RINT1: variants seen among roughly 807,000 people sequenced by gnomAD.
The protein encoded by RINT1 is RAD50-interacting protein 1.
In RINT1, 75 loss-of-function variants were observed where a neutral mutation model predicts 97.7. That is an observed-to-expected ratio of 0.77 (90% CI 0.64 to 0.93). The LOEUF is 0.93. RINT1 is among the 40% of genes least tolerant of loss of function. The pLI is 0.00. For missense variants in RINT1, 892 were observed against 925.2 expected, an observed-to-expected ratio of 0.96 and a Z score of 0.47; for synonymous variants, 303 against 326.3, an observed-to-expected ratio of 0.93 and a Z score of 0.77.
intron 3 of RINT1, among the ~76,000 whole-genome samples, chr7:105,539,561 T>C (rs1223169065): frequency 6.6e-6 from 1 of 152,034 alleles, no homozygotes; most frequent in Non-Finnish European, 1.5e-5. Flanking sequence ...GGTTTCTCCA[T>C]GTTGGTCAGG....
chr7:105,558,305 A>AT (rs1264623025), intron 11 of RINT1, among the ~76,000 whole-genome samples: 9 of 151,796 alleles, frequency 5.9e-5, no homozygotes, highest in South Asian at 2.1e-4. Context: ...AAAAAAAAAA[A>AT]AAAATAAAGT....
At position 105,536,707 on chromosome 7, in the gene RINT1, C is replaced by A. The variant is rs1371213834; in HGVS notation, c.231C>A (p.Leu77=). ...AATCTTTAAAGAAACTTGATAAACT[C>A]ATAGAACAGAGGACAGTAAGTAAAA... ...DLKSLKKLDK[L]IEQRTVSKMQ... Residue 77 remains leucine (L), a synonymous_variant, in exon 3 of 15, where the codon CTC becomes CTA. Coordinates refer to ENST00000257700, the MANE Select transcript of RINT1 (RefSeq NM_021930.6). The A allele has an allele frequency of 5.6e-6, 9 of 1,610,580 alleles. No homozygotes were observed. Among genetic ancestry groups the A allele is most frequent in the Non-Finnish European group, 7.6e-6 (9 of 1,178,668 alleles).
At chr7:105,539,612 T>G (rs961205741) in intron 3 of RINT1, among the ~76,000 whole-genome samples, 3 of 152,032 alleles carry the variant, frequency 2.0e-5, no homozygotes, top group Admixed American at 6.6e-5. Context: ...TGCCCGAAAG[T>G]GGATCTTGGC....
rs770101080 is a variant in RINT1, at chr7:105,563,887, G to A, written c.1826G>A (p.Arg609His). ...LERLKHDMLT[R>H]QVDHVFREVK... ...CGTTTAAAGCATGATATGTTGACCC[G>A]TCAAGTAGACCACGTTTTTAGAGAA... Residue 609 changes from arginine to histidine, a missense_variant, in exon 12 of 15, where the codon CGT (arginine) becomes CAT (histidine). Physicochemically the swap from Arg to His is conservative, Grantham distance 29 (BLOSUM62 0). Coordinates refer to ENST00000257700, the MANE Select transcript of RINT1 (RefSeq NM_021930.6). 11 of 1,614,062 alleles carry A rather than the reference G, an allele frequency of 6.8e-6. No individual in the cohort carries two copies. The highest frequency in any genetic ancestry group is 1.3e-5 in the African/African-American group (1 of 75,020).
Position 105,563,964 on chromosome 7 carries a change from A to C in RINT1, c.1886+17A>C. ...AAAAGAAAGGTATGTCCTCTATGTA[A>C]GTCAGCTCTTAACACCAGTTTGGTA... On this transcript the variant is annotated intron_variant, in intron 12 of 14. Coordinates refer to ENST00000257700, the MANE Select transcript of RINT1 (RefSeq NM_021930.6). 1 of 1,574,186 alleles carries C rather than the reference A, an allele frequency of 6.4e-7. No homozygotes were observed. Among genetic ancestry groups the C allele is most frequent in the Admixed American group, 1.7e-5 (1 of 59,372 alleles).
intron 12 of RINT1, among the ~76,000 whole-genome samples, chr7:105,564,614 A>G (rs1267063986): frequency 3.3e-5 from 5 of 152,194 alleles, no homozygotes; most frequent in African/African-American, 7.2e-5. Context: ...TTGTCCTAGC[A>G]TAGTCCCTGC....
chr7:105,551,472 T>C, intron 9 of RINT1, 98 bp from the exon 10 acceptor site: 1 of 1,099,222 alleles, frequency 9.1e-7, no homozygotes, highest in Non-Finnish European at 1.3e-6. Context: ...TTTGTTTCTT[T>C]TTTATAGAAA....
chr7:105,553,223 A>C (rs1312555858), intron 10 of RINT1, among the ~76,000 whole-genome samples: 1 of 151,370 alleles, frequency 6.6e-6, no homozygotes, highest in Non-Finnish European at 1.5e-5. Context: ...TCATCATGTC[A>C]ATTGTAAATT....
At position 105,567,179 on chromosome 7, in the gene RINT1, TG is replaced by T. The variant is rs758122010; in HGVS notation, c.2248del (p.Val750TyrfsTer15). Reference protein sequence around the residue: ...NVGSALLLKDVLQSASGQLPA... With the variant: ...NVGSALLLKDXLQSASGQLPA... The stretch of plus-strand genomic sequence containing the variant: ...TCGGTTCTGCACTACTGCTGAAAGA[TG>T]TACTGCAGTCAGCTTCAGGGCAGCT... On this transcript the variant is annotated frameshift_variant, in exon 15 of 15. Transcript: ENST00000257700. LOFTEE classifies it high-confidence loss of function. 1.9e-6 allele frequency: 3 copies of T among 1,608,522 alleles called. No individual in the cohort carries two copies. Among genetic ancestry groups the T allele is most frequent in the Non-Finnish European group, 2.5e-6 (3 of 1,178,548 alleles).
At chr7:105,533,821 G>A (rs1384609480) in intron 2 of RINT1, among the ~76,000 whole-genome samples, 2 of 152,072 alleles carry the variant, frequency 1.3e-5, no homozygotes, top group African/African-American at 2.4e-5. Flanking sequence ...TCATTCAGAT[G>A]CCTGGAAAGT....
chr7:105,537,089 A>G (rs1027563712), intron 3 of RINT1, among the ~76,000 whole-genome samples: 2 of 151,988 alleles, frequency 1.3e-5, no homozygotes, highest in South Asian at 4.1e-4. Context: ...CATGGCATAC[A>G]AAAATATATA....
chr7:105,556,271 T>G (rs2133430566), intron 11 of RINT1, among the ~76,000 whole-genome samples: 1 of 152,044 alleles, frequency 6.6e-6, no homozygotes, highest in East Asian at 1.9e-4. Context: ...TTCACCTTAT[T>G]GGCCAGGCTG....
intron 2 of RINT1, among the ~76,000 whole-genome samples, chr7:105,533,663 A>T (rs1236958978): frequency 6.6e-6 from 1 of 152,196 alleles, no homozygotes; most frequent in Non-Finnish European, 1.5e-5. Flanking sequence ...TTAGCGGCTG[A>T]TAGAATCTGC....
At chr7:105,548,886 T>C (rs552186464) in intron 7 of RINT1, among the ~76,000 whole-genome samples, 176 bp downstream of exon 7, 2 of 152,360 alleles carry the variant, frequency 1.3e-5, no homozygotes, top group South Asian at 2.1e-4. Context: ...CTTGTGTTCA[T>C]ATACTGTAGG....
intron 12 of RINT1, 91 bp downstream of exon 12, chr7:105,564,038 C>T (rs1257418586): frequency 1.7e-5 from 15 of 879,048 alleles, no homozygotes; most frequent in Non-Finnish European, 2.1e-5. Context: ...AGATAGAACC[C>T]GGTTTGGCCT....
chr7:105,539,965 A>G (rs1433847263), intron 3 of RINT1, among the ~76,000 whole-genome samples: 1 of 152,186 alleles, frequency 6.6e-6, no homozygotes. Flanking sequence ...ATAAGTATCT[A>G]ATCACTGTTG....
chr7:105,549,992 A>G, intron 7 of RINT1, 63 bp from the exon 8 acceptor site: 1 of 1,041,308 alleles, frequency 9.6e-7, no homozygotes, highest in Non-Finnish European at 1.5e-6. Context: ...AAATAGAACC[A>G]TGTAATTGTA....
chr7:105,550,549 A>C, intron 9 of RINT1, 63 bp downstream of exon 9: 1 of 1,236,876 alleles, frequency 8.1e-7, no homozygotes. Flanking sequence ...TACATTTTTG[A>C]TATTTTTCTT....
rs1404756163 is a variant in RINT1 at position 105,536,738 on chromosome 7, T to G, written c.262T>G (p.Leu88Val). ...ACAGAGGACAGTAAGTAAAATGCAGTTAGAAGAACAGGTAAGTATTGAAAC... is the reference window on the plus strand; with the variant it reads ...ACAGAGGACAGTAAGTAAAATGCAGGTAGAAGAACAGGTAAGTATTGAAAC... ...IEQRTVSKMQ[L>V]EEQVLTISSE... The change falls in exon 3 of 15, where the codon TTA becomes GTA. Residue 88 changes from leucine to valine, a missense_variant. Transcript: ENST00000257700. The G allele has an allele frequency of 3.8e-6, 6 of 1,592,102 alleles. No homozygotes were observed. The highest frequency in any genetic ancestry group is 3.6e-5 in the Admixed American group (2 of 56,110).
Sources: gnomAD v4.1 joint callset for allele counts (sites outside exome capture counted in the v4.1 genomes callset) on GRCh38, gnomAD v4.1.1 for gene constraint, MANE v1.5 for transcripts, NCBI Gene and HGNC (gene_info 2026-07-23, HGNC 2026-07-21) for gene names.